The following NVL variants were observed in gnomAD, a reference collection of about 807,000 sequenced individuals.
NVL encodes nuclear VCP like, also known as nuclear valosin-containing protein-like.
In NVL, 84 loss-of-function variants were observed where a neutral mutation model predicts 110.2. That is an observed-to-expected ratio of 0.76 (90% CI 0.64 to 0.91). NVL has a LOEUF of 0.91. Among genes scored for constraint, NVL ranks in the 40% least tolerant of loss-of-function variants. The pLI, the probability that NVL is intolerant of heterozygous loss-of-function variation, is 0.00. For missense variants in NVL, 882 were observed against 1,035.9 expected, an observed-to-expected ratio of 0.85 and a Z score of 2.04; for synonymous variants, 354 against 361.1, an observed-to-expected ratio of 0.98 and a Z score of 0.22.
rs529559334 is a variant in NVL at position 224,249,735 on chromosome 1, ACT to A, written c.2289+475_2289+476del. ...ACTCCAGCCTGGGTGACAGAGCAAG[ACT>A]CTGCCTCAAAAAAAAGGATAGGGTC... On this transcript the variant is annotated intron_variant, in intron 19 of 22. Transcript: ENST00000281701. 7.2e-3 allele frequency among the ~76,000 whole-genome samples: 1,089 copies of A among 151,686 alleles called. 10 individuals carry two copies. Among genetic ancestry groups the A allele is most frequent in the African/African-American group, 0.025 (1,049 of 41,430 alleles).
At chr1:224,229,856 AG>A (rs1479952531) in intron 22 of NVL, among the ~76,000 whole-genome samples, 1 of 152,038 alleles carries the variant, frequency 6.6e-6, no homozygotes, top group African/African-American at 2.4e-5. Flanking sequence ...TTTTGAGACA[AG>A]GTTTCGTTCT....
chr1:224,299,719 A>C (rs1281954191), intron 10 of NVL, among the ~76,000 whole-genome samples: 1 of 152,116 alleles, frequency 6.6e-6, no homozygotes, highest in Non-Finnish European at 1.5e-5. Flanking sequence ...TTTGCTCTGC[A>C]CTCTGCCCTT....
chr1:224,281,736 T>A (rs1291577366), intron 15 of NVL, among the ~76,000 whole-genome samples: 2 of 151,366 alleles, frequency 1.3e-5, no homozygotes, highest in African/African-American at 4.8e-5. Context: ...GTGGATCACC[T>A]GAGGTCAGGA....
At chr1:224,257,228 G>A in intron 18 of NVL, 1 of 435,812 alleles carries the variant, frequency 2.3e-6, no homozygotes, top group Non-Finnish European at 4.5e-6. Flanking sequence ...ATGGTTGCCT[G>A]AAAAAGAACC....
intron 10 of NVL, among the ~76,000 whole-genome samples, chr1:224,298,790 A>G (rs1229992346): frequency 6.6e-6 from 1 of 152,216 alleles, no homozygotes. Context: ...ATTATGCAAC[A>G]AATTACTCAG....
intron 2 of NVL, among the ~76,000 whole-genome samples, chr1:224,320,807 A>AC (rs1670570162): frequency 6.6e-6 from 1 of 152,116 alleles, no homozygotes; most frequent in African/African-American, 2.4e-5. Flanking sequence ...GTGCCAGCAC[A>AC]CCTAGTTAAT....
intron 17 of NVL, among the ~76,000 whole-genome samples, chr1:224,274,408 G>A (rs186228916): frequency 5.6e-4 from 85 of 151,830 alleles, no homozygotes; most frequent in African/African-American, 2.0e-3. Context: ...AGGCTGAGGC[G>A]GATACATCAC....
intron 2 of NVL, among the ~76,000 whole-genome samples, chr1:224,319,338 C>G (rs971102084): frequency 1.3e-5 from 2 of 151,282 alleles, no homozygotes; most frequent in Non-Finnish European, 2.9e-5. Context: ...AACGGAGTCT[C>G]GCTCTGTGGC....
chr1:224,256,347 C>T (rs990646989), intron 18 of NVL, among the ~76,000 whole-genome samples: 12 of 149,628 alleles, frequency 8.0e-5, no homozygotes, highest in Admixed American at 4.0e-4. Context: ...ATCGCTTGAA[C>T]CTGGGAAGCG....
chr1:224,320,189 G>A (rs559609249), intron 2 of NVL, among the ~76,000 whole-genome samples: 31 of 152,170 alleles, frequency 2.0e-4, no homozygotes, highest in Non-Finnish European at 4.0e-4. Flanking sequence ...TGGTGGATTC[G>A]ATAATATTAC....
chr1:224,313,811 T>C (rs1179781453), intron 4 of NVL, among the ~76,000 whole-genome samples: 2 of 152,186 alleles, frequency 1.3e-5, no homozygotes, highest in Non-Finnish European at 2.9e-5. Context: ...GAGACCAGCC[T>C]GGCCAACATG....
rs527912898 is a variant in NVL, at chr1:224,227,395, A to G, written c.*231T>C. The G allele has an allele frequency of 1.2e-5, 4 of 335,466 alleles. No homozygotes were observed. In the South Asian group the frequency reaches 3.6e-4, roughly 30 times the overall value. 20.8% of individuals were successfully genotyped at this position (335,466 alleles called of 1,614,324 possible). ...AAAAATGTAACAGTCATTTTATTTC[A>G]GCAGTTTAAAAATTGTCCTTTTTCT... On this transcript the variant is annotated 3_prime_UTR_variant, in exon 23 of 23. Transcript: ENST00000281701.
At chr1:224,308,985 C>T (rs1277171460) in intron 5 of NVL, among the ~76,000 whole-genome samples, 20 of 148,570 alleles carry the variant, frequency 1.3e-4, no homozygotes, top group African/African-American at 4.7e-4. Flanking sequence ...GGCGAGAACC[C>T]GGGAGGCGGA....
At chr1:224,295,761 T>C (rs1184403852) in intron 11 of NVL, among the ~76,000 whole-genome samples, 1 of 150,554 alleles carries the variant, frequency 6.6e-6, no homozygotes, top group Admixed American at 6.6e-5. Flanking sequence ...GTAGATCACC[T>C]GAGGTCAGGA....
rs1185342848 is a variant in NVL at position 224,296,372 on chromosome 1, GC to G, written c.1180+128del. On this transcript the variant is annotated intron_variant, in intron 11 of 22. Transcript: ENST00000281701. ...TAGGATTACAGGCATGAGCCACTGTGCCCAGTATGACTTTTTTTTTACACTA... is the reference window on the plus strand; with the variant it reads ...TAGGATTACAGGCATGAGCCACTGTGCCAGTATGACTTTTTTTTTACACTA... 6 of 528,864 alleles carry G rather than the reference GC, an allele frequency of 1.1e-5. No individual in the cohort carries two copies. The East Asian group carries it at 1.9e-4, about 17-fold the overall frequency. 32.8% of individuals were successfully genotyped at this position (528,864 alleles called of 1,614,324 possible).
chr1:224,247,627 C>G (rs1662004202), intron 19 of NVL, among the ~76,000 whole-genome samples: 1 of 151,868 alleles, frequency 6.6e-6, no homozygotes, highest in Admixed American at 6.6e-5. Flanking sequence ...CGAGGTGGCA[C>G]CACTGCACTC....
chr1:224,269,625 C>CA (rs1249079006), intron 17 of NVL: 11 of 152,044 alleles, frequency 7.2e-5, no homozygotes, highest in Non-Finnish European at 1.5e-4. Flanking sequence ...ACAGAAACAA[C>CA]AAAAAAGTTT....
chr1:224,304,201 C>T (rs1413278912), intron 8 of NVL, among the ~76,000 whole-genome samples: 1 of 152,050 alleles, frequency 6.6e-6, no homozygotes, highest in African/African-American at 2.4e-5. Flanking sequence ...CTGAGGTGGG[C>T]AGATCACGAA....
At chr1:224,255,812 A>G (rs890944942) in intron 18 of NVL, among the ~76,000 whole-genome samples, 2 of 152,186 alleles carry the variant, frequency 1.3e-5, no homozygotes, top group African/African-American at 4.8e-5. Flanking sequence ...AGGTAGAAAA[A>G]AATTTCTCCA....
Sources: allele counts gnomAD v4.1 joint callset (sites outside exome capture counted in the v4.1 genomes callset), GRCh38; gene constraint gnomAD v4.1.1; transcripts MANE v1.5; gene names NCBI Gene and HGNC (gene_info 2026-07-23, HGNC 2026-07-21).